CD79B: variants seen among roughly 807,000 people sequenced by gnomAD.
CD79B encodes CD79b molecule, also known as B-cell antigen receptor complex-associated protein beta chain.
A neutral mutation model predicts 30.0 loss-of-function variants in CD79B; 7 were observed. The observed-to-expected ratio is 0.23, with a 90% CI of 0.13 to 0.44. The LOEUF is 0.44. Among genes scored for constraint, CD79B ranks in the 20% least tolerant of loss-of-function variants. The pLI, the probability that CD79B is intolerant of heterozygous loss-of-function variation, is 1.00. For missense variants in CD79B, 218 were observed against 299.1 expected (o/e 0.73, Z 2.00); for synonymous variants, 118 against 119.2 (o/e 0.99, Z 0.07).
At chr17:63,930,662 C>G (rs1267926158) in intron 2 of CD79B, 1 of 552,632 alleles carries the variant, frequency 1.8e-6, no homozygotes, top group African/African-American at 1.9e-5. Flanking sequence ...TGGGACCTTG[C>G]CATTCCTTCC....
At chr17:63,929,912 T>A in intron 3 of CD79B, 24 bp from the exon 4 acceptor site, 1 of 1,589,010 alleles carries the variant, frequency 6.3e-7, no homozygotes, top group Non-Finnish European at 8.6e-7. Context: ...GGTGGGGTTG[T>A]GAGCCTGGGC....
chr17:63,929,096 C>A lies in CD79B; in HGVS notation c.*130G>T. On this transcript the variant is annotated 3_prime_UTR_variant, in exon 6 of 6. Transcript: ENST00000006750. ...GGGACCAGGGGCTGGAGACAAATGGCAGCTCTGGTGGGCCAGCTTCAGAGG... is the reference window on the plus strand; with the variant it reads ...GGGACCAGGGGCTGGAGACAAATGGAAGCTCTGGTGGGCCAGCTTCAGAGG... The A allele has an allele frequency of 5.6e-6, 4 of 713,436 alleles. No homozygotes were observed. The highest frequency in any genetic ancestry group is 5.1e-6 in the Non-Finnish European group (2 of 393,994). 44.2% of individuals were successfully genotyped at this position (713,436 alleles called of 1,614,324 possible).
chr17:63,931,296 C>T (rs777258775), intron 2 of CD79B, 39 bp downstream of exon 2: 3 of 1,606,908 alleles, frequency 1.9e-6, no homozygotes, highest in Middle Eastern at 1.7e-4. Flanking sequence ...CATAGTCGCA[C>T]ACAACTTGCC....
In CD79B at chr17:63,928,961, C is replaced by T. The variant is rs545482972; in HGVS notation, c.*265G>A. On this transcript the variant is annotated 3_prime_UTR_variant, in exon 6 of 6. Coordinates refer to ENST00000006750, the MANE Select transcript of CD79B (RefSeq NM_000626.4). ...GCCTCCCCCATCCCATGTGTGGGGA[C>T]GGATCACCTCATAGCACCCCCAGAA... 17 of 543,848 alleles carry T rather than the reference C, an allele frequency of 3.1e-5. No homozygotes were observed. The highest frequency in any genetic ancestry group is 7.5e-5 in the African/African-American group (4 of 53,056). 33.7% of individuals were successfully genotyped at this position (543,848 alleles called of 1,614,324 possible).
At chr17:63,930,963 A>C (rs1908087093) in intron 2 of CD79B, 1 of 350,110 alleles carries the variant, frequency 2.9e-6, no homozygotes, top group East Asian at 6.2e-5. Context: ...CTTAGTGAGC[A>C]CTGCCCGGGA....
Position 63,929,129 on chromosome 17 carries a change from G to A in CD79B, c.*97C>T. On this transcript the variant is annotated 3_prime_UTR_variant, in exon 6 of 6. Transcript: ENST00000006750. The stretch of plus-strand genomic sequence containing the variant: ...GTGGGCCAGCTTCAGAGGCCAGCTG[G>A]GGGGTCCAGGAAAGGGGTTGGGCCA... The A allele has an allele frequency of 2.4e-6, 2 of 842,098 alleles. No individual in the cohort carries two copies. The highest frequency in any genetic ancestry group is 3.5e-5 in the Admixed American group (2 of 56,644). 52.2% of individuals were successfully genotyped at this position (842,098 alleles called of 1,614,324 possible).
intron 1 of CD79B, 117 bp downstream of exon 1, chr17:63,932,078 A>C (rs1598401553): frequency 1.1e-6 from 1 of 925,460 alleles, no homozygotes; most frequent in East Asian, 2.5e-5. Context: ...AGAGGGAGAC[A>C]GGCGGTAAAG....
chr17:63,929,337 A>C lies in CD79B; in HGVS notation c.592-13T>G, dbSNP rs765535158. The stretch of plus-strand genomic sequence containing the variant: ...CAATGTCCAGGCCCTGGAGACATTA[A>C]GTGGAACTCAGGCCGGGACCACACC... On this transcript the variant is annotated splice_polypyrimidine_tract_variant and intron_variant, in intron 5 of 5. Transcript: ENST00000006750. 1.2e-6 allele frequency: 2 copies of C among 1,612,230 alleles called. No homozygotes were observed. The highest frequency in any genetic ancestry group is 2.7e-5 in the African/African-American group (2 of 74,882).
At position 63,929,040 on chromosome 17, in the gene CD79B, CCTT is replaced by C. The variant is rs1236023037; in HGVS notation, c.*183_*185del. 6.4e-6 allele frequency: 4 copies of C among 628,510 alleles called. No individual in the cohort carries two copies. Among genetic ancestry groups the C allele is most frequent in the Middle Eastern group, 4.2e-4 (1 of 2,374 alleles). 38.9% of individuals were successfully genotyped at this position (628,510 alleles called of 1,614,324 possible). On this transcript the variant is annotated 3_prime_UTR_variant, in exon 6 of 6. Coordinates refer to ENST00000006750, the MANE Select transcript of CD79B (RefSeq NM_000626.4). ...TCCCTCCAAGTTGCTGCCCTGTTGT[CCTT>C]CTACTCCAGGCCCTTTGGCAAGAGC... is the stretch of plus-strand genomic sequence containing the variant.
chr17:63,932,257 G>C lies in CD79B; in HGVS notation c.5C>G (p.Ala2Gly), dbSNP rs1461650098. The change falls in exon 1 of 6, where the codon GCC (alanine) becomes GGC (glycine). Residue 2 changes from alanine (A) to glycine (G), a missense_variant. Coordinates refer to ENST00000006750, the MANE Select transcript of CD79B (RefSeq NM_000626.4). The part of the protein sequence containing the change: M[A>G]RLALSPVPSH... The stretch of plus-strand genomic sequence containing the variant: ...GGGCACAGGAGACAACGCCAGCCTG[G>C]CCATGGTCACCGCTCTGTCCCCGAC... 1 of 1,612,396 alleles carries C rather than the reference G, an allele frequency of 6.2e-7. No individual in the cohort carries two copies. Among genetic ancestry groups the C allele is most frequent in the East Asian group, 2.2e-5 (1 of 44,880 alleles).
chr17:63,932,303 C>A lies in CD79B; in HGVS notation c.-42G>T. On this transcript the variant is annotated 5_prime_UTR_variant, in exon 1 of 6. Coordinates refer to ENST00000006750, the MANE Select transcript of CD79B (RefSeq NM_000626.4). ...CCGACCCCAAACCCGTGACAACGTCCGAGGCTCCTTGGAGGAAAACGTGTA... is the reference window on the plus strand; with the variant it reads ...CCGACCCCAAACCCGTGACAACGTCAGAGGCTCCTTGGAGGAAAACGTGTA... The A allele has an allele frequency of 6.3e-7, 1 of 1,588,212 alleles. No homozygotes were observed. Among genetic ancestry groups the A allele is most frequent in the South Asian group, 1.1e-5 (1 of 90,568 alleles).
intron 2 of CD79B, chr17:63,931,074 C>G: frequency 1.9e-6 from 1 of 534,684 alleles, no homozygotes; most frequent in Non-Finnish European, 3.4e-6. Flanking sequence ...CTAGAGGAAC[C>G]CCCAGGCTCC....
In CD79B at chr17:63,929,176, A is replaced by C. The variant is rs1171909584; in HGVS notation, c.*50T>G. On this transcript the variant is annotated 3_prime_UTR_variant, in exon 6 of 6. Coordinates refer to ENST00000006750, the MANE Select transcript of CD79B (RefSeq NM_000626.4). ...GCCATGAGCCAGGCAGCTCCGAAGC[A>C]GTCACTGAGGCCAGGGAGCCTGCAC... 8.1e-7 allele frequency: 1 copy of C among 1,239,902 alleles called. No homozygotes were observed. The highest frequency in any genetic ancestry group is 1.2e-6 in the Non-Finnish European group (1 of 839,220). The allele number at this position is 1,239,902 out of a possible 1,614,324, so 76.8% of individuals were successfully genotyped here.
intron 2 of CD79B, 71 bp from the exon 3 acceptor site, chr17:63,930,456 C>T: frequency 2.9e-6 from 4 of 1,401,688 alleles, no homozygotes; most frequent in South Asian, 1.2e-5. Flanking sequence ...GCAGCAGGCC[C>T]CTGCCCTGGC....
Position 63,929,449 on chromosome 17 carries a change from T to C in CD79B, c.576A>G (p.Glu192=), listed in dbSNP as rs764662167. ...DKDDSKAGME[E]DHTYEGLDID... is the part of the protein sequence containing the mutation. ...CTCTCCTTACCTCGTAGGTGTGATC[T>C]TCCTCCATGCCAGCCTTGCTGTCAT... Residue 192 remains glutamate (E), a synonymous_variant, in exon 5 of 6, where the codon GAA becomes GAG. Transcript: ENST00000006750. 2 of 1,613,932 alleles carry C rather than the reference T, an allele frequency of 1.2e-6. No homozygotes were observed. Among genetic ancestry groups the C allele is most frequent in the East Asian group, 4.5e-5 (2 of 44,872 alleles).
rs548246034 is a variant in CD79B at position 63,930,804 on chromosome 17, A to C, written c.119-419T>G. ...AGTCTCCCCCGTTCCTCCAGGGATA[A>C]AGGCCAAATTCCTAGTCTGTCAACT... On this transcript the variant is annotated intron_variant, in intron 2 of 5. Transcript: ENST00000006750. 4.1e-5 allele frequency among the ~76,000 whole-genome samples: 6 copies of C among 146,302 alleles called. No individual in the cohort carries two copies. In the East Asian group the frequency reaches 1.2e-3, roughly 28 times the overall value.
intron 1 of CD79B, chr17:63,931,849 G>A (rs893496073): frequency 2.0e-5 from 9 of 446,486 alleles, no homozygotes; most frequent in East Asian, 4.3e-5. Context: ...TCCAGGGTCC[G>A]GTTGGGACAG....
rs1455781636 is a variant in CD79B at position 63,929,011 on chromosome 17, G to A, written c.*215C>T. The A allele has an allele frequency of 1.7e-6, 1 of 603,668 alleles. No homozygotes were observed. The highest frequency in any genetic ancestry group is 3.0e-6 in the Non-Finnish European group (1 of 337,468). 37.4% of individuals were successfully genotyped at this position (603,668 alleles called of 1,614,324 possible). A position where few individuals can be genotyped will look rare whatever the true frequency, so the allele number is the denominator to read the frequency against. On this transcript the variant is annotated 3_prime_UTR_variant, in exon 6 of 6. Coordinates refer to ENST00000006750, the MANE Select transcript of CD79B (RefSeq NM_000626.4). ...AGGCTGGGTCCCGTCCATCCCCAGAGAACTCCCTCCAAGTTGCTGCCCTGT... is the reference window on the plus strand; with the variant it reads ...AGGCTGGGTCCCGTCCATCCCCAGAAAACTCCCTCCAAGTTGCTGCCCTGT...
chr17:63,929,468 C>T lies in CD79B; in HGVS notation c.557G>A (p.Ser186Asn), dbSNP rs1290989439. Reference sequence around the variant, plus strand: ...GTGATCTTCCTCCATGCCAGCCTTGCTGTCATCCTGGGGGCGGAGAGGGAT... The same window carrying T: ...GTGATCTTCCTCCATGCCAGCCTTGTTGTCATCCTGGGGGCGGAGAGGGAT... ...PIFLLLDKDD[S>N]KAGMEEDHTY... is the part of the protein sequence containing the mutation. The change falls in exon 5 of 6, where the codon AGC (serine) becomes AAC (asparagine). Residue 186 changes from serine (S) to asparagine (N), a missense_variant. Transcript: ENST00000006750. 6.2e-7 allele frequency: 1 copy of T among 1,613,874 alleles called. No homozygotes were observed.
Sources: gnomAD v4.1 joint callset for allele counts (sites outside exome capture counted in the v4.1 genomes callset) on GRCh38, gnomAD v4.1.1 for gene constraint, MANE v1.5 for transcripts, NCBI Gene and HGNC (gene_info 2026-07-23, HGNC 2026-07-21) for gene names.